CSGALNACT1: variants seen among roughly 807,000 people sequenced by gnomAD.
CSGALNACT1 encodes the protein chondroitin sulfate N-acetylgalactosaminyltransferase 1, also known as beta4GalNAcT-1.
A neutral mutation model predicts 51.0 loss-of-function variants in CSGALNACT1; 52 were observed. That is an observed-to-expected ratio of 1.02 (90% confidence interval 0.82 to 1.29). The LOEUF is 1.29. Ranked by LOEUF, CSGALNACT1 falls within the 50% of genes most tolerant of loss-of-function variation. The pLI, the probability that CSGALNACT1 is intolerant of heterozygous loss-of-function variation, is 0.00. For missense variants in CSGALNACT1, 935 were observed against 679.2 expected, an observed-to-expected ratio of 1.38 and a Z score of -4.19; for synonymous variants, 341 against 254.4, an observed-to-expected ratio of 1.34 and a Z score of -3.24.
chr8:19,459,382 CAAAAA>C (rs377411028), intron 4 of CSGALNACT1, among the ~76,000 whole-genome samples: 430 of 69,148 alleles, frequency 6.2e-3, no homozygotes, highest in Non-Finnish European at 0.01. Context: ...AACTTTATCT[CAAAAA>C]AAAAAAAAAA....
At chr8:19,621,418 T>C (rs1391078610) in intron 1 of CSGALNACT1, among the ~76,000 whole-genome samples, 1 of 152,202 alleles carries the variant, frequency 6.6e-6, no homozygotes, top group Non-Finnish European at 1.5e-5. Context: ...ATAGAAAACC[T>C]ATGTTTGCAT....
intron 4 of CSGALNACT1, among the ~76,000 whole-genome samples, chr8:19,459,500 G>C (rs997861384): frequency 4.6e-5 from 7 of 151,918 alleles, no homozygotes; most frequent in East Asian, 1.9e-4. Flanking sequence ...TGGGTTGGGG[G>C]ACCCTCTGGA....
At chr8:19,582,825 T>C (rs538009907) in intron 3 of CSGALNACT1, among the ~76,000 whole-genome samples, 2 of 152,312 alleles carry the variant, frequency 1.3e-5, no homozygotes, top group South Asian at 4.1e-4. Context: ...CAACAGATTC[T>C]CTTATTTGCT....
At chr8:19,455,974 G>A (rs543034179) in intron 5 of CSGALNACT1, among the ~76,000 whole-genome samples, 129 of 152,280 alleles carry the variant, frequency 8.5e-4, no homozygotes, top group Non-Finnish European at 1.5e-3. Flanking sequence ...CTACCTCCAC[G>A]AGCAAGGGAC....
intron 1 of CSGALNACT1, among the ~76,000 whole-genome samples, chr8:19,638,852 C>T (rs1181966978): frequency 1.3e-5 from 2 of 152,054 alleles, no homozygotes; most frequent in African/African-American, 4.8e-5. Flanking sequence ...TTAAAGGCCA[C>T]ATTCTGATGT....
At chr8:19,462,806 C>A (rs2065835666) in intron 4 of CSGALNACT1, among the ~76,000 whole-genome samples, 1 of 151,688 alleles carries the variant, frequency 6.6e-6, no homozygotes, top group Admixed American at 6.6e-5. Context: ...TTAATTTCAT[C>A]AGTTTTCTTT....
chr8:19,538,556 T>A (rs1162952376), intron 3 of CSGALNACT1, among the ~76,000 whole-genome samples: 1 of 152,046 alleles, frequency 6.6e-6, no homozygotes, highest in Non-Finnish European at 1.5e-5. Flanking sequence ...AAGGACTGGG[T>A]AATTTGCATG....
At chr8:19,441,945 G>A (rs535482834) in intron 5 of CSGALNACT1, among the ~76,000 whole-genome samples, 2 of 152,312 alleles carry the variant, frequency 1.3e-5, no homozygotes, top group South Asian at 2.1e-4. Context: ...AGACATTTAT[G>A]CAGCCAAAAA....
chr8:19,637,121 G>A (rs951149051), intron 1 of CSGALNACT1, among the ~76,000 whole-genome samples: 3 of 152,092 alleles, frequency 2.0e-5, no homozygotes, highest in African/African-American at 7.2e-5. Context: ...CAGGAGAATC[G>A]CTTGAACCCA....
At position 19,560,692 on chromosome 8, in the gene CSGALNACT1, T is replaced by C. The variant is rs540361750; in HGVS notation, c.-297+30468A>G. ...GAGATATGAATACACACCTTCATTC[T>C]GCAACAAAACAAAGTATGACACTAC... On this transcript the variant is annotated intron_variant, in intron 3 of 9. Transcript: ENST00000454498. Among the ~76,000 whole-genome samples the C allele has an allele frequency of 9.5e-4, 144 of 152,326 alleles. 1 individual carries two copies. The South Asian group carries it at 0.028, about 30-fold the overall frequency.
At chr8:19,506,021 T>C (rs1179262118) in exon 4 of CSGALNACT1, 1 of 723,220 alleles carries the variant, frequency 1.4e-6, no homozygotes, top group East Asian at 2.7e-5. Flanking sequence ...CTTCTCTACT[T>C]TTAAAGGATG....
intron 3 of CSGALNACT1, among the ~76,000 whole-genome samples, chr8:19,528,519 T>C (rs1205971606): frequency 6.6e-6 from 1 of 152,150 alleles, no homozygotes; most frequent in Non-Finnish European, 1.5e-5. Context: ...ACTGCCTCTT[T>C]ACTAATTACA....
chr8:19,532,573 A>G (rs781519480), intron 3 of CSGALNACT1, among the ~76,000 whole-genome samples: 1 of 152,104 alleles, frequency 6.6e-6, no homozygotes, highest in Admixed American at 6.6e-5. Context: ...TTCAATCATG[A>G]TTTTCAAAAA....
chr8:19,626,404 A>T (rs942691744), intron 1 of CSGALNACT1, among the ~76,000 whole-genome samples: 18 of 152,208 alleles, frequency 1.2e-4, no homozygotes, highest in African/African-American at 3.9e-4. Context: ...AAAAAAATTT[A>T]CAATCTAAAC....
At chr8:19,475,440 T>C (rs757064553) in intron 4 of CSGALNACT1, among the ~76,000 whole-genome samples, 17 of 152,302 alleles carry the variant, frequency 1.1e-4, no homozygotes, top group South Asian at 1.0e-3. Context: ...ACAATCTGAA[T>C]ATTAAGCTGT....
chr8:19,547,453 C>CG (rs2086736237), intron 3 of CSGALNACT1, among the ~76,000 whole-genome samples: 1 of 151,184 alleles, frequency 6.6e-6, no homozygotes, highest in South Asian at 2.1e-4. Flanking sequence ...GGTGGTTTCC[C>CG]CATACTGTTC....
At chr8:19,491,838 G>C (rs1407654752) in intron 4 of CSGALNACT1, among the ~76,000 whole-genome samples, 13 of 152,288 alleles carry the variant, frequency 8.5e-5, no homozygotes, top group Admixed American at 3.9e-4. Context: ...CATAATTCAA[G>C]GGTACTAAGA....
chr8:19,738,657 TA>T (rs1209379476), intron 1 of CSGALNACT1, among the ~76,000 whole-genome samples: 1 of 152,144 alleles, frequency 6.6e-6, no homozygotes, highest in African/African-American at 2.4e-5. Context: ...TTTACCATGA[TA>T]AAAAAATTTT....
At chr8:19,651,256 C>G (rs546718729) in intron 1 of CSGALNACT1, among the ~76,000 whole-genome samples, 1 of 151,698 alleles carries the variant, frequency 6.6e-6, no homozygotes, top group Admixed American at 6.6e-5. Flanking sequence ...TTTTCATTTT[C>G]TATTTAATTT....
Sources: gnomAD v4.1 joint callset for allele counts (sites outside exome capture counted in the v4.1 genomes callset) on GRCh38, gnomAD v4.1.1 for gene constraint, MANE v1.5 for transcripts, NCBI Gene and HGNC (gene_info 2026-07-23, HGNC 2026-07-21) for gene names.